The following JARID2 variants were observed in gnomAD, a reference collection of about 807,000 sequenced individuals.
JARID2 encodes protein Jumonji.
A neutral mutation model predicts 125.6 loss-of-function variants in JARID2; 21 were observed. The ratio of observed to expected loss-of-function variants is 0.17; its 90% CI spans 0.12 to 0.24. The LOEUF (loss-of-function observed/expected upper bound fraction) is 0.24, where lower values mean the gene tolerates loss of function less well. Among genes scored for constraint, JARID2 ranks in the 10% least tolerant of loss-of-function variants. The pLI is 1.00. For missense variants in JARID2, 1,303 were observed against 1,639.6 expected (o/e 0.79, Z 3.55); for synonymous variants, 736 against 661.6 (o/e 1.11, Z -1.73).
intron 4 of JARID2, among the ~76,000 whole-genome samples, chr6:15,457,785 C>T (rs1203233543): frequency 6.6e-6 from 1 of 152,050 alleles, no homozygotes; most frequent in Non-Finnish European, 1.5e-5. Flanking sequence ...GGAGGAAAAA[C>T]CCTATACTAT....
In JARID2 at chr6:15,306,045, C is replaced by G. The variant is rs192713488; in HGVS notation, c.45+59461C>G. The stretch of plus-strand genomic sequence containing the variant: ...GGCCCACTTGTGGGACCAAATCTAT[C>G]TTTCTAAACGTCAGATTTTTAGAAG... On this transcript the variant is annotated intron_variant, in intron 1 of 17. Transcript: ENST00000341776. 4.6e-5 allele frequency among the ~76,000 whole-genome samples: 7 copies of G among 151,974 alleles called. No individual in the cohort carries two copies. In the East Asian group the frequency reaches 1.4e-3, roughly 29 times the overall value.
chr6:15,343,483 A>G (rs1267262065), intron 1 of JARID2, among the ~76,000 whole-genome samples: 1 of 151,828 alleles, frequency 6.6e-6, no homozygotes, highest in East Asian at 1.9e-4. Context: ...CCTAGCCCCT[A>G]ATCACATTGA....
At chr6:15,320,850 C>G (rs566896979) in intron 1 of JARID2, among the ~76,000 whole-genome samples, 9,040 of 134,520 alleles carry the variant, frequency 0.067, 360 homozygotes, top group South Asian at 0.12. Flanking sequence ...CTCTCTCTCT[C>G]TCTGTGTGTG....
intron 2 of JARID2, among the ~76,000 whole-genome samples, chr6:15,378,098 AG>A (rs1428669002): frequency 6.6e-6 from 1 of 151,590 alleles, no homozygotes; most frequent in Non-Finnish European, 1.5e-5. Context: ...CATGTTGACC[AG>A]GAAGGTCTCC....
intron 1 of JARID2, among the ~76,000 whole-genome samples, chr6:15,333,205 T>G (rs1360129252): frequency 2.0e-5 from 3 of 152,190 alleles, no homozygotes; most frequent in Non-Finnish European, 4.4e-5. Context: ...GTGCTGGGAT[T>G]GCAGGCATGA....
intron 2 of JARID2, among the ~76,000 whole-genome samples, chr6:15,399,585 T>C (rs1204105865): frequency 6.6e-6 from 1 of 152,180 alleles, no homozygotes; most frequent in East Asian, 1.9e-4. Context: ...GAGCTTTAAT[T>C]ATTTAGGAAA....
rs1018015490 is a variant in JARID2 at position 15,515,365 on chromosome 6, G to A, written c.3451-1796G>A. The stretch of plus-strand genomic sequence containing the variant: ...CATTTCCATGCACTGAGGGCTGTAT[G>A]GTAGTTACACCTGGGGGTGAAGCTG... On this transcript the variant is annotated intron_variant, in intron 16 of 17. Coordinates refer to ENST00000341776, the MANE Select transcript of JARID2 (RefSeq NM_004973.4). 2.0e-5 allele frequency among the ~76,000 whole-genome samples: 3 copies of A among 152,300 alleles called. No homozygotes were observed. In the East Asian group the frequency reaches 5.8e-4, roughly 29 times the overall value.
At chr6:15,328,099 T>C (rs1762592096) in intron 1 of JARID2, among the ~76,000 whole-genome samples, 1 of 152,108 alleles carries the variant, frequency 6.6e-6, no homozygotes, top group Admixed American at 6.5e-5. Context: ...AAGACTCTCC[T>C]CTGTGTGAGA....
intron 13 of JARID2, 111 bp from the exon 14 acceptor site, chr6:15,512,097 C>A: frequency 1.2e-6 from 1 of 862,954 alleles, no homozygotes; most frequent in Non-Finnish European, 1.8e-6. Context: ...CCACATAAAA[C>A]AATCTTATCT....
Position 15,496,269 on chromosome 6 carries a change from A to G in JARID2, c.1044A>G (p.Thr348=), listed in dbSNP as rs781225387. The G allele has an allele frequency of 3.7e-5, 60 of 1,614,084 alleles. No individual in the cohort carries two copies. Among genetic ancestry groups the G allele is most frequent in the Non-Finnish European group, 4.9e-5 (58 of 1,180,048 alleles). The change falls in exon 7 of 18, where the codon ACA becomes ACG. Residue 348 remains threonine (T), a synonymous_variant. Coordinates refer to ENST00000341776, the MANE Select transcript of JARID2 (RefSeq NM_004973.4). ...YTATVTKGAV[T]YTKAKRELVK... ...CCACGGTGACGAAGGGGGCTGTCAC[A>G]TACACCAAAGCCAAGAGAGAACTGG...
intron 1 of JARID2, among the ~76,000 whole-genome samples, chr6:15,296,952 T>C (rs1045424707): frequency 6.6e-6 from 1 of 152,246 alleles, no homozygotes; most frequent in African/African-American, 2.4e-5. Context: ...GGCTTCCTGC[T>C]TACATCCTGT....
rs766270078 is a variant in JARID2 at position 15,496,512 on chromosome 6, G to C, written c.1287G>C (p.Glu429Asp). ...AGGTGGGGGGGCGGCAGCTGCGGGAGGGCCTGCAGCTGCGGGAGGGGCTGC... is the reference window on the plus strand; with the variant it reads ...AGGTGGGGGGGCGGCAGCTGCGGGACGGCCTGCAGCTGCGGGAGGGGCTGC... ...TKEVGGRQLR[E>D]GLQLREGLRN... Residue 429 changes from glutamate to aspartate, a missense_variant, in exon 7 of 18, where the codon GAG (glutamate) becomes GAC (aspartate). Glu to Asp is a conservative substitution (Grantham distance 45, BLOSUM62 2). Around this residue, in one of 11 missense-constraint regions of JARID2, gnomAD observed 651 missense variants for 581.6 expected, o/e 1.12. Transcript: ENST00000341776. 1 of 1,606,580 alleles carries C rather than the reference G, an allele frequency of 6.2e-7. No homozygotes were observed. Among genetic ancestry groups the C allele is most frequent in the Non-Finnish European group, 8.5e-7 (1 of 1,176,698 alleles).
At chr6:15,432,770 G>T (rs1767023632) in intron 3 of JARID2, among the ~76,000 whole-genome samples, 1 of 152,210 alleles carries the variant, frequency 6.6e-6, no homozygotes, top group Non-Finnish European at 1.5e-5. Context: ...TGCTGCAGAA[G>T]CACAGGTTTT....
chr6:15,290,622 GT>G (rs893507236), intron 1 of JARID2, among the ~76,000 whole-genome samples: 112 of 152,114 alleles, frequency 7.4e-4, no homozygotes, highest in African/African-American at 2.3e-3. Context: ...GTTTTTGGAT[GT>G]TTTTTTCCCC....
intron 3 of JARID2, among the ~76,000 whole-genome samples, chr6:15,435,979 G>A (rs935039539): frequency 2.0e-5 from 3 of 152,080 alleles, no homozygotes; most frequent in African/African-American, 7.3e-5. Flanking sequence ...TGGAGGAGTG[G>A]CTCACTTCTT....
At chr6:15,329,921 C>T (rs1177287616) in intron 1 of JARID2, among the ~76,000 whole-genome samples, 1 of 152,188 alleles carries the variant, frequency 6.6e-6, no homozygotes, top group Non-Finnish European at 1.5e-5. Flanking sequence ...TTACATACAG[C>T]TCAGAGCTCA....
rs145420479 is a variant in JARID2, at chr6:15,260,826, C to G, written c.45+14242C>G. 2.6e-3 allele frequency among the ~76,000 whole-genome samples: 394 copies of G among 152,258 alleles called. 1 individual carries two copies. Among genetic ancestry groups the G allele is most frequent in the African/African-American group, 8.4e-3 (351 of 41,554 alleles). On this transcript the variant is annotated intron_variant, in intron 1 of 17. Transcript: ENST00000341776. Reference sequence around the variant, plus strand: ...AATACCTGAAGCTAAAAAGTGGTGGCTTTTTCTTCTTTCTTCTAAATGTAC... The same window carrying G: ...AATACCTGAAGCTAAAAAGTGGTGGGTTTTTCTTCTTTCTTCTAAATGTAC...
At chr6:15,287,808 C>G (rs1188068088) in intron 1 of JARID2, among the ~76,000 whole-genome samples, 1 of 152,330 alleles carries the variant, frequency 6.6e-6, no homozygotes, top group East Asian at 1.9e-4. Context: ...GCTGCACCCT[C>G]TACTCATTTC....
At chr6:15,506,417 T>C (rs1042213997) in intron 9 of JARID2, among the ~76,000 whole-genome samples, 2 of 152,130 alleles carry the variant, frequency 1.3e-5, no homozygotes. Flanking sequence ...TTGAGGAAAG[T>C]GGTTTTGGTG....
Sources: allele counts gnomAD v4.1 joint callset (sites outside exome capture counted in the v4.1 genomes callset), GRCh38; gene constraint gnomAD v4.1.1; regional missense constraint gnomAD v4.1.1; transcripts MANE v1.5; gene names NCBI Gene and HGNC (gene_info 2026-07-23, HGNC 2026-07-21).